Variants in LPP observed in about 807,000 individuals in gnomAD.
LPP encodes the protein LIM domain containing preferred translocation partner in lipoma.
A neutral mutation model predicts 60.4 loss-of-function variants in LPP; 38 were observed. The observed-to-expected ratio is 0.63, with a 90% confidence interval of 0.49 to 0.83. LPP has a LOEUF of 0.83. LPP is among the 40% of genes least tolerant of loss of function. LPP has a pLI of 0.00. For synonymous variants in LPP, 328 were observed against 290.8 expected, an observed-to-expected ratio of 1.13 and a Z score of -1.30; for missense variants, 902 against 783.6, an observed-to-expected ratio of 1.15 and a Z score of -1.80.
intron 7 of LPP, among the ~76,000 whole-genome samples, chr3:188,653,985 A>C (rs920879479): frequency 1.6e-4 from 24 of 152,186 alleles, no homozygotes; most frequent in Admixed American, 2.6e-4. Flanking sequence ...TCATGCCAGC[A>C]TCCCTTGTCC....
rs547255252 is a variant in LPP at position 188,603,340 on chromosome 3, G to T, written c.430-5821G>T. 1.6e-3 allele frequency among the ~76,000 whole-genome samples: 125 copies of T among 77,530 alleles called. 1 individual carries two copies. The South Asian group carries it at 0.02, about 12-fold the overall frequency. The allele number at this position is 77,530 out of a possible 152,430, so 50.9% of individuals were successfully genotyped here. A position where few individuals can be genotyped will look rare whatever the true frequency, so the allele number is the denominator to read the frequency against. ...GGAAAACTACGGATAGACTGATAAA[G>T]AATTTTGTGGTTTTTTTTTTTTTAA... On this transcript the variant is annotated intron_variant, in intron 6 of 11. Transcript: ENST00000617246.
At chr3:188,536,188 T>G (rs1291797522) in intron 6 of LPP, among the ~76,000 whole-genome samples, 1 of 152,102 alleles carries the variant, frequency 6.6e-6, no homozygotes, top group African/African-American at 2.4e-5. Context: ...TTTGTGTTTT[T>G]AGTAGAGACA....
intron 6 of LPP, among the ~76,000 whole-genome samples, chr3:188,566,961 T>C (rs1832321201): frequency 6.6e-6 from 1 of 151,898 alleles, no homozygotes; most frequent in African/African-American, 2.4e-5. Context: ...CAAATTGGTC[T>C]GATACAAACT....
chr3:188,563,920 T>C (rs1374714010), intron 6 of LPP, among the ~76,000 whole-genome samples: 5 of 151,856 alleles, frequency 3.3e-5, no homozygotes, highest in Non-Finnish European at 7.4e-5. Flanking sequence ...GGGGAAGTTA[T>C]TTTCCATGGC....
chr3:188,887,358 T>C lies in LPP; in HGVS notation c.*12879T>C, dbSNP rs1435671492. ...TTGGGTGACAGCAATGCTCACTTAG[T>C]AATTATAAACTGGAAATAGGAGAGT... On this transcript the variant is annotated 3_prime_UTR_variant, in exon 12 of 12. Transcript: ENST00000617246. 4.6e-6 allele frequency: 1 copy of C among 216,556 alleles called. No individual in the cohort carries two copies. Among genetic ancestry groups the C allele is most frequent in the Non-Finnish European group, 9.3e-6 (1 of 107,586 alleles). 13.4% of individuals were successfully genotyped at this position (216,556 alleles called of 1,614,324 possible). A position where few individuals can be genotyped will look rare whatever the true frequency, so the allele number is the denominator to read the frequency against.
At chr3:188,441,220 A>C (rs1028639782) in intron 4 of LPP, among the ~76,000 whole-genome samples, 24 of 152,178 alleles carry the variant, frequency 1.6e-4, no homozygotes, top group African/African-American at 5.6e-4. Flanking sequence ...GTTTTATCTC[A>C]ACAACTAGTG....
At chr3:188,229,582 C>A (rs1036361657) in intron 2 of LPP, among the ~76,000 whole-genome samples, 1 of 152,202 alleles carries the variant, frequency 6.6e-6, no homozygotes, top group Non-Finnish European at 1.5e-5. Flanking sequence ...TCAAAAATTA[C>A]AAGAGGATTT....
At chr3:188,614,387 G>A (rs1030088665) in intron 7 of LPP, among the ~76,000 whole-genome samples, 1 of 152,318 alleles carries the variant, frequency 6.6e-6, no homozygotes, top group Admixed American at 6.5e-5. Context: ...AGGGTGGGCA[G>A]AGGAATGAAT....
intron 9 of LPP, among the ~76,000 whole-genome samples, chr3:188,767,534 C>T (rs1445450945): frequency 6.6e-6 from 1 of 152,124 alleles, no homozygotes; most frequent in Non-Finnish European, 1.5e-5. Flanking sequence ...TCCACATACA[C>T]TGATCTATGC....
intron 2 of LPP, among the ~76,000 whole-genome samples, chr3:188,308,587 G>T (rs984771702): frequency 5.3e-5 from 8 of 152,202 alleles, no homozygotes; most frequent in African/African-American, 1.9e-4. Flanking sequence ...TGTAAACAGT[G>T]GTGCCATCAA....
chr3:188,226,274 G>A (rs147639722), intron 2 of LPP, among the ~76,000 whole-genome samples: 5,038 of 152,210 alleles, frequency 0.033, 225 homozygotes, highest in African/African-American at 0.097. Context: ...CTCCCAAATT[G>A]CTGGGATTAT....
intron 7 of LPP, among the ~76,000 whole-genome samples, chr3:188,647,399 T>A (rs920733754): frequency 1.3e-4 from 20 of 150,032 alleles, no homozygotes; most frequent in African/African-American, 4.6e-4. Context: ...AAAAAAAAAA[T>A]ATTTGCCTGC....
intron 2 of LPP, among the ~76,000 whole-genome samples, chr3:188,300,997 C>T (rs184382972): frequency 9.9e-5 from 15 of 152,240 alleles, no homozygotes; most frequent in Non-Finnish European, 1.3e-4. Context: ...TGTCTCTATG[C>T]ATTTCTATGT....
intron 2 of LPP, among the ~76,000 whole-genome samples, chr3:188,260,646 G>A (rs1733266449): frequency 6.6e-6 from 1 of 152,050 alleles, no homozygotes; most frequent in South Asian, 2.1e-4. Context: ...CACAATGCTT[G>A]GTTGTTGTTT....
rs1759587138 is a variant in LPP at position 188,840,224 on chromosome 3, G to GATCTTTGTTGT, written c.1411-25966_1411-25956dup. On this transcript the variant is annotated intron_variant, in intron 9 of 11. Coordinates refer to ENST00000617246, the MANE Select transcript of LPP (RefSeq NM_001375462.1). ...ATGAGGTCAGGGAGTAATATGTTCA[G>GATCTTTGTTGT]ATCTTTGTTGTATCTTTGTTCCGTT... Among the ~76,000 whole-genome samples the GATCTTTGTTGT allele has an allele frequency of 2.0e-5, 3 of 152,202 alleles. No individual in the cohort carries two copies. In the South Asian group the frequency reaches 6.2e-4, roughly 32 times the overall value.
chr3:188,530,851 T>C (rs562915490), intron 6 of LPP, among the ~76,000 whole-genome samples: 2 of 152,284 alleles, frequency 1.3e-5, no homozygotes, highest in South Asian at 4.1e-4. Context: ...CCCAACCCAT[T>C]AGGTAGGCAT....
At chr3:188,762,054 C>G (rs1732542900) in intron 9 of LPP, among the ~76,000 whole-genome samples, 1 of 152,060 alleles carries the variant, frequency 6.6e-6, no homozygotes, top group Non-Finnish European at 1.5e-5. Context: ...TTTTTGACTC[C>G]ATAGTTGATT....
At chr3:188,372,746 G>C (rs1773662296) in intron 3 of LPP, among the ~76,000 whole-genome samples, 1 of 149,940 alleles carries the variant, frequency 6.7e-6, no homozygotes, top group African/African-American at 2.5e-5. Context: ...TAGGGTACAT[G>C]TGTACAACGT....
At chr3:188,635,928 C>T (rs1391173281) in intron 7 of LPP, among the ~76,000 whole-genome samples, 4 of 152,182 alleles carry the variant, frequency 2.6e-5, no homozygotes, top group African/African-American at 4.8e-5. Context: ...AAGTAATAAA[C>T]TCTTTGTGTT....
Sources: allele counts gnomAD v4.1 joint callset (sites outside exome capture counted in the v4.1 genomes callset), GRCh38; gene constraint gnomAD v4.1.1; transcripts MANE v1.5; gene names NCBI Gene and HGNC (gene_info 2026-07-23, HGNC 2026-07-21).